ATCAY: variants seen among roughly 807,000 people sequenced by gnomAD.
The protein encoded by ATCAY is caytaxin.
In ATCAY, 22 loss-of-function variants were observed where a neutral mutation model predicts 47.7. That is an observed-to-expected ratio of 0.46 (90% CI 0.33 to 0.66). The LOEUF (loss-of-function observed/expected upper bound fraction) is 0.66, where lower values mean the gene tolerates loss of function less well. Among genes scored for constraint, ATCAY ranks in the 30% least tolerant of loss-of-function variants. The pLI is 0.02. For missense variants in ATCAY, 452 were observed against 515.0 expected, an observed-to-expected ratio of 0.88 and a Z score of 1.18; for synonymous variants, 216 against 207.6, an observed-to-expected ratio of 1.04 and a Z score of -0.35.
chr19:3,909,750 T>A, intron 7 of ATCAY, 133 bp downstream of exon 7: 1 of 1,313,456 alleles, frequency 7.6e-7, no homozygotes, highest in Non-Finnish European at 1.0e-6. Context: ...CCCAGGAGTT[T>A]GAGACCAGCC....
chr19:3,913,550 C>G (rs1026002167), intron 8 of ATCAY, among the ~76,000 whole-genome samples: 1 of 152,084 alleles, frequency 6.6e-6, no homozygotes, highest in Non-Finnish European at 1.5e-5. Context: ...GCAAGGGCCT[C>G]GGCGCAGACC....
At chr19:3,889,979 C>T (rs1275416875) in intron 2 of ATCAY, among the ~76,000 whole-genome samples, 4 of 149,960 alleles carry the variant, frequency 2.7e-5, no homozygotes, top group Non-Finnish European at 4.4e-5. Flanking sequence ...GAGTCTCGCT[C>T]TGTCACCCAG....
At chr19:3,885,953 G>A (rs1325933188) in intron 2 of ATCAY, 109 bp downstream of exon 2, 2 of 1,115,738 alleles carry the variant, frequency 1.8e-6, no homozygotes, top group African/African-American at 1.5e-5. Context: ...CCCGGGGCTG[G>A]CCTGGTTCCA....
At chr19:3,912,366 T>C (rs1358406418) in intron 8 of ATCAY, among the ~76,000 whole-genome samples, 1 of 151,380 alleles carries the variant, frequency 6.6e-6, no homozygotes, top group Non-Finnish European at 1.5e-5. Context: ...CAGGCTGGAG[T>C]GCAGTGGCGC....
chr19:3,906,102 C>T (rs2038858056), intron 4 of ATCAY, among the ~76,000 whole-genome samples: 1 of 150,044 alleles, frequency 6.7e-6, no homozygotes, highest in South Asian at 2.1e-4. Flanking sequence ...ACCCAGGAGG[C>T]CGAGCTTGCG....
chr19:3,883,057 C>T (rs772220335), intron 1 of ATCAY, among the ~76,000 whole-genome samples: 1 of 152,008 alleles, frequency 6.6e-6, no homozygotes, highest in African/African-American at 2.4e-5. Context: ...CAGGCATGCA[C>T]CACTGCACCC....
At chr19:3,908,191 C>T (rs569758543) in intron 5 of ATCAY, 77 bp from the exon 6 acceptor site, 60 of 1,292,132 alleles carry the variant, frequency 4.6e-5, no homozygotes, top group East Asian at 4.3e-4. Context: ...GGCACCGGGA[C>T]GTGGTGGGTG....
chr19:3,922,386 C>T (rs539501743), intron 12 of ATCAY, among the ~76,000 whole-genome samples: 35 of 152,276 alleles, frequency 2.3e-4, no homozygotes, highest in African/African-American at 7.7e-4. Flanking sequence ...GCAGCAGGAG[C>T]GAGAAGTGCT....
At chr19:3,902,584 A>T (rs766539565) in intron 3 of ATCAY, 39 bp downstream of exon 3, 47 of 1,548,450 alleles carry the variant, frequency 3.0e-5, no homozygotes, top group Non-Finnish European at 4.1e-5. Flanking sequence ...AAACAGGCTC[A>T]GTGTTTCCGG....
At chr19:3,901,345 G>C (rs2145238229) in intron 2 of ATCAY, among the ~76,000 whole-genome samples, 1 of 152,152 alleles carries the variant, frequency 6.6e-6, no homozygotes, top group South Asian at 2.1e-4. Context: ...TTTACATCTT[G>C]GGTTATAATT....
At chr19:3,920,435 C>T (rs113022782) in intron 11 of ATCAY, 2,012 of 158,040 alleles carry the variant, frequency 0.013, 40 homozygotes, top group African/African-American at 0.045. Flanking sequence ...CTCCACCTCC[C>T]GGGTTCAAGC....
rs1296476961 is a variant in ATCAY, at chr19:3,885,752, C to T, written c.-16C>T. Reference sequence around the variant, plus strand: ...GGGTCATCCCTGCTTCAAGCCAGTGCCTCTTCCCAGCTCCCATGGGGACCA... The same window carrying T: ...GGGTCATCCCTGCTTCAAGCCAGTGTCTCTTCCCAGCTCCCATGGGGACCA... On this transcript the variant is annotated 5_prime_UTR_variant, in exon 2 of 13. Coordinates refer to ENST00000450849, the MANE Select transcript of ATCAY (RefSeq NM_033064.5). The T allele has an allele frequency of 3.9e-6, 6 of 1,550,466 alleles. No homozygotes were observed. The highest frequency in any genetic ancestry group is 1.4e-5 in the African/African-American group (1 of 72,966).
Position 3,908,317 on chromosome 19 carries a change from C to T in ATCAY, c.594C>T (p.Phe198=). The T allele has an allele frequency of 6.3e-7, 1 of 1,595,012 alleles. No individual in the cohort carries two copies. The highest frequency in any genetic ancestry group is 8.5e-7 in the Non-Finnish European group (1 of 1,170,728). Residue 198 remains phenylalanine, a synonymous_variant, in exon 6 of 13, where the codon TTC becomes TTT. Coordinates refer to ENST00000450849, the MANE Select transcript of ATCAY (RefSeq NM_033064.5). ...LNAIIVFAAC[F]LPDSSLPDYH... is the part of the protein sequence containing the mutation. ...CCATCATCGTCTTCGCAGCCTGCTT[C>T]CTTCCAGACAGCAGCCTCCCCGACT...
Position 3,887,043 on chromosome 19 carries a change from G to A in ATCAY, c.77+1199G>A, listed in dbSNP as rs184862993. On this transcript the variant is annotated intron_variant, in intron 2 of 12. Transcript: ENST00000450849. ...ACTCTGTCTCCCCACCACACGGAGC[G>A]CCACAAGAGCAGGGGTCTTTGTTTA... Among the ~76,000 whole-genome samples the A allele has an allele frequency of 2.4e-3, 366 of 152,126 alleles. 1 individual carries two copies. Among genetic ancestry groups the A allele is most frequent in the African/African-American group, 8.0e-3 (334 of 41,520 alleles).
chr19:3,887,665 T>C (rs2038672007), intron 2 of ATCAY, among the ~76,000 whole-genome samples: 1 of 150,536 alleles, frequency 6.6e-6, no homozygotes, highest in Admixed American at 6.6e-5. Flanking sequence ...TTTTTGTATT[T>C]TTAGTAGAGA....
chr19:3,908,318 C>T lies in ATCAY; in HGVS notation c.595C>T (p.Leu199Phe). ...NAIIVFAACFLPDSSLPDYHY... is the reference protein window; with the variant it reads ...NAIIVFAACFFPDSSLPDYHY... The stretch of plus-strand genomic sequence containing the variant: ...CATCATCGTCTTCGCAGCCTGCTTC[C>T]TTCCAGACAGCAGCCTCCCCGACTA... The change falls in exon 6 of 13, where the codon CTT (leucine) becomes TTT (phenylalanine). Residue 199 changes from leucine to phenylalanine, a missense_variant. Leu to Phe is a conservative substitution (Grantham distance 22). Coordinates refer to ENST00000450849, the MANE Select transcript of ATCAY (RefSeq NM_033064.5). 6.3e-7 allele frequency: 1 copy of T among 1,595,002 alleles called. No individual in the cohort carries two copies.
chr19:3,927,742 C>T lies in ATCAY; in HGVS notation c.*3150C>T, dbSNP rs763104241. 2 of 152,296 alleles carry T rather than the reference C, an allele frequency of 1.3e-5. No individual in the cohort carries two copies. Among genetic ancestry groups the T allele is most frequent in the Non-Finnish European group, 2.9e-5 (2 of 68,110 alleles). 9.4% of individuals were successfully genotyped at this position (152,296 alleles called of 1,614,324 possible). Reference sequence around the variant, plus strand: ...TGTCGGCAGGCATGCCGAGGTCAAACAGCCGGGGCCACCGTTCCCAGCTGG... The same window carrying T: ...TGTCGGCAGGCATGCCGAGGTCAAATAGCCGGGGCCACCGTTCCCAGCTGG... On this transcript the variant is annotated 3_prime_UTR_variant, in exon 13 of 13. Coordinates refer to ENST00000450849, the MANE Select transcript of ATCAY (RefSeq NM_033064.5).
At chr19:3,884,056 C>T (rs576568713) in intron 1 of ATCAY, among the ~76,000 whole-genome samples, 2 of 152,032 alleles carry the variant, frequency 1.3e-5, no homozygotes, top group East Asian at 1.9e-4. Context: ...GTAATCCCAG[C>T]GCTCTGGGAG....
At chr19:3,917,921 A>C in intron 10 of ATCAY, 144 bp downstream of exon 10, 1 of 810,182 alleles carries the variant, frequency 1.2e-6, no homozygotes, top group Non-Finnish European at 1.8e-6. Flanking sequence ...TCTGGCAAGG[A>C]CTTTAAACTC....
Sources: gnomAD v4.1 joint callset for allele counts (sites outside exome capture counted in the v4.1 genomes callset) on GRCh38, gnomAD v4.1.1 for gene constraint, MANE v1.5 for transcripts, NCBI Gene and HGNC (gene_info 2026-07-23, HGNC 2026-07-21) for gene names.